The following OR4D1 variants were observed in gnomAD, a reference collection of about 807,000 sequenced individuals.
OR4D1 encodes olfactory receptor 4D1.
In OR4D1, 10 loss-of-function variants were observed where a neutral mutation model predicts 14.2. The ratio of observed to expected loss-of-function variants is 0.71; its 90% CI spans 0.44 to 1.20. The LOEUF (loss-of-function observed/expected upper bound fraction) is 1.20. Among genes scored for constraint, OR4D1 ranks in the 50% most tolerant of loss-of-function variants. OR4D1 has a pLI of 0.00. For missense variants in OR4D1, 345 were observed against 376.6 expected, an observed-to-expected ratio of 0.92 and a Z score of 0.70; for synonymous variants, 141 against 147.4, an observed-to-expected ratio of 0.96 and a Z score of 0.32.
Position 58,157,101 on chromosome 17 carries a change from G to A in OR4D1, c.*1015G>A. ...GGGGCCTGGGGACGCCGAGGCGGCC[G>A]CGGAGGAGCGCCGCGTCAAGGTCTC... On this transcript the variant is annotated 3_prime_UTR_variant, in exon 4 of 4. Coordinates refer to ENST00000268912, the MANE Select transcript of OR4D1 (RefSeq NM_001386095.1). The A allele has an allele frequency of 1.4e-6, 2 of 1,463,242 alleles. No homozygotes were observed. Among genetic ancestry groups the A allele is most frequent in the Admixed American group, 4.5e-5 (2 of 44,386 alleles). 90.6% of individuals were successfully genotyped at this position (1,463,242 alleles called of 1,614,324 possible).
chr17:58,154,838 T>C (rs1012732590), intron 3 of OR4D1, among the ~76,000 whole-genome samples: 24 of 152,228 alleles, frequency 1.6e-4, no homozygotes, highest in Non-Finnish European at 2.5e-4. Context: ...AGGCACTATG[T>C]TGGGCATAGC....
chr17:58,157,382 C>A lies in OR4D1; in HGVS notation c.*1296C>A. 1 of 1,276,340 alleles carries A rather than the reference C, an allele frequency of 7.8e-7. No homozygotes were observed. The highest frequency in any genetic ancestry group is 1.1e-6 in the Non-Finnish European group (1 of 899,702). 79.1% of individuals were successfully genotyped at this position (1,276,340 alleles called of 1,614,324 possible). Reference sequence around the variant, plus strand: ...TGCTGATAATTCGCCGCCGCCAAGACACGTGAGCCCTACCACCTGCACCCT... The same window carrying A: ...TGCTGATAATTCGCCGCCGCCAAGAAACGTGAGCCCTACCACCTGCACCCT... On this transcript the variant is annotated 3_prime_UTR_variant, in exon 4 of 4. Coordinates refer to ENST00000268912, the MANE Select transcript of OR4D1 (RefSeq NM_001386095.1).
rs1249726612 is a variant in OR4D1 at position 58,158,183 on chromosome 17, G to A, written c.*2097G>A. 6.6e-6 allele frequency: 1 copy of A among 152,250 alleles called. No individual in the cohort carries two copies. The highest frequency in any genetic ancestry group is 1.5e-5 in the Non-Finnish European group (1 of 68,188). 9.4% of individuals were successfully genotyped at this position (152,250 alleles called of 1,614,324 possible). A position where few individuals can be genotyped will look rare whatever the true frequency, so the allele number is the denominator to read the frequency against. ...TTTTCCTATATGTCACCTTCTTAAA[G>A]AGACTGTGTAAGTCCATTTGTTGTG... On this transcript the variant is annotated 3_prime_UTR_variant, in exon 4 of 4. Coordinates refer to ENST00000268912, the MANE Select transcript of OR4D1 (RefSeq NM_001386095.1).
intron 2 of OR4D1, among the ~76,000 whole-genome samples, chr17:58,151,469 G>A (rs759485998): frequency 2.6e-5 from 4 of 151,932 alleles, no homozygotes; most frequent in Non-Finnish European, 5.9e-5. Context: ...TCACGTGTCC[G>A]TGTGTTCTCA....
intron 3 of OR4D1, among the ~76,000 whole-genome samples, 169 bp downstream of exon 3, chr17:58,154,132 T>A (rs566517858): frequency 2.0e-5 from 3 of 151,648 alleles, no homozygotes; most frequent in Non-Finnish European, 4.4e-5. Flanking sequence ...AATTTTTAAA[T>A]TTTTTTTATA....
rs1967758453 is a variant in OR4D1 at position 58,155,593 on chromosome 17, C to A, written c.440C>A (p.Ala147Asp). 6.2e-7 allele frequency: 1 copy of A among 1,614,052 alleles called. No individual in the cohort carries two copies. The highest frequency in any genetic ancestry group is 8.5e-7 in the Non-Finnish European group (1 of 1,180,034). ...CAATTGTGTGTGGGCCTGGTAGTAG[C>A]CGCCTGGGTGGGGGGCTTTGTCCAC... Reference protein sequence around the residue: ...NTQLCVGLVVAAWVGGFVHSI... With the variant: ...NTQLCVGLVVDAWVGGFVHSI... Residue 147 changes from alanine to aspartate, a missense_variant, in exon 4 of 4, where the codon GCC becomes GAC. Transcript: ENST00000268912.
intron 1 of OR4D1, among the ~76,000 whole-genome samples, chr17:58,148,810 C>T (rs1425551308): frequency 6.6e-6 from 1 of 152,124 alleles, no homozygotes. Context: ...CTTCTTCCCA[C>T]ACCTAGGAGA....
Position 58,155,504 on chromosome 17 carries a change from C to T in OR4D1, c.351C>T (p.Val117=). 1 of 1,614,116 alleles carries T rather than the reference C, an allele frequency of 6.2e-7. No homozygotes were observed. Among genetic ancestry groups the T allele is most frequent in the Non-Finnish European group, 8.5e-7 (1 of 1,179,998 alleles). The change falls in exon 4 of 4, where the codon GTC becomes GTT. Residue 117 remains valine, a synonymous_variant. Coordinates refer to ENST00000268912, the MANE Select transcript of OR4D1 (RefSeq NM_001386095.1). Reference sequence around the variant, plus strand: ...GTGGGACTGTCTTTTTTCTCTCAGTCATGGCCTATGACCGCTACATAGCCA... The same window carrying T: ...GTGGGACTGTCTTTTTTCTCTCAGTTATGGCCTATGACCGCTACATAGCCA... ...LGGGTVFFLS[V]MAYDRYIAIS... is the part of the protein sequence containing the mutation.
At position 58,155,370 on chromosome 17, in the gene OR4D1, T is replaced by A. The variant is rs771302998; in HGVS notation, c.217T>A (p.Tyr73Asn). Residue 73 changes from tyrosine to asparagine, a missense_variant, in exon 4 of 4, where the codon TAT becomes AAT. Coordinates refer to ENST00000268912, the MANE Select transcript of OR4D1 (RefSeq NM_001386095.1). ...LRNLALIDLC[Y>N]STVTSPKMLV... The stretch of plus-strand genomic sequence containing the variant: ...AAATCTAGCTCTCATAGACCTCTGC[T>A]ATTCCACAGTCACCTCTCCAAAGAT... The A allele has an allele frequency of 6.2e-7, 1 of 1,614,208 alleles. No individual in the cohort carries two copies. Among genetic ancestry groups the A allele is most frequent in the Non-Finnish European group, 8.5e-7 (1 of 1,180,024 alleles).
At position 58,156,764 on chromosome 17, in the gene OR4D1, G is replaced by A. The variant is rs1967780346; in HGVS notation, c.*678G>A. On this transcript the variant is annotated 3_prime_UTR_variant, in exon 4 of 4. Transcript: ENST00000268912. ...TAGGAATGGGATTTGAAACTCAAGA[G>A]TTTCCTGCGACCACAAGAGAAAACC... 5.4e-6 allele frequency: 1 copy of A among 185,866 alleles called. No individual in the cohort carries two copies. Among genetic ancestry groups the A allele is most frequent in the Non-Finnish European group, 1.1e-5 (1 of 89,912 alleles). The allele number at this position is 185,866 out of a possible 1,614,324, so 11.5% of individuals were successfully genotyped here.
chr17:58,154,935 G>A (rs1028060331), intron 3 of OR4D1, among the ~76,000 whole-genome samples, 200 bp from the exon 4 acceptor site: 1 of 152,220 alleles, frequency 6.6e-6, no homozygotes. Flanking sequence ...GTAATATACT[G>A]TAGGGCGTGG....
rs1373516493 is a variant in OR4D1 at position 58,156,283 on chromosome 17, C to T, written c.*197C>T. ...TTTTTTTTTTTTAGATGGAGCCTTG[C>T]TCTGTCACCCAGGCTGGAGTGCAGT... On this transcript the variant is annotated 3_prime_UTR_variant, in exon 4 of 4. Transcript: ENST00000268912. 2 of 530,904 alleles carry T rather than the reference C, an allele frequency of 3.8e-6. No individual in the cohort carries two copies. The highest frequency in any genetic ancestry group is 5.0e-4 in the Middle Eastern group (1 of 2,008). 32.9% of individuals were successfully genotyped at this position (530,904 alleles called of 1,614,324 possible). A position where few individuals can be genotyped will look rare whatever the true frequency, so the allele number is the denominator to read the frequency against.
chr17:58,158,940 G>A lies in OR4D1; in HGVS notation c.*2854G>A, dbSNP rs1296070590. ...GTTTTGACTTGGTGAAAATGGAGTT[G>A]CCAAACAGCCCATTAAGCTCCCTGG... On this transcript the variant is annotated 3_prime_UTR_variant, in exon 4 of 4. Transcript: ENST00000268912. 2 of 152,224 alleles carry A rather than the reference G, an allele frequency of 1.3e-5. No homozygotes were observed. The highest frequency in any genetic ancestry group is 2.9e-5 in the Non-Finnish European group (2 of 68,032). 9.4% of individuals were successfully genotyped at this position (152,224 alleles called of 1,614,324 possible).
At position 58,157,317 on chromosome 17, in the gene OR4D1, G is replaced by C; in HGVS notation, c.*1231G>C. Reference sequence around the variant, plus strand: ...CTTCGAGACCGCCTCGGTCAAGTGGGAAAACTCCCTAAGACGGAGCGGCGT... The same window carrying C: ...CTTCGAGACCGCCTCGGTCAAGTGGCAAAACTCCCTAAGACGGAGCGGCGT... On this transcript the variant is annotated 3_prime_UTR_variant, in exon 4 of 4. Coordinates refer to ENST00000268912, the MANE Select transcript of OR4D1 (RefSeq NM_001386095.1). The C allele has an allele frequency of 1.3e-6, 2 of 1,499,522 alleles. No homozygotes were observed. The highest frequency in any genetic ancestry group is 1.8e-6 in the Non-Finnish European group (2 of 1,115,200). 92.9% of individuals were successfully genotyped at this position (1,499,522 alleles called of 1,614,324 possible).
rs1967792129 is a variant in OR4D1 at position 58,157,505 on chromosome 17, AT to A, written c.*1421del. ...GTTGCTCCAGAAACAGTACCTCTCC[AT>A]TGCAGAGGGTGCGGACTTCTCCAGC... On this transcript the variant is annotated 3_prime_UTR_variant, in exon 4 of 4. Transcript: ENST00000268912. The A allele has an allele frequency of 4.9e-6, 6 of 1,213,470 alleles. No homozygotes were observed. The highest frequency in any genetic ancestry group is 3.4e-5 in the Admixed American group (2 of 58,204). 75.2% of individuals were successfully genotyped at this position (1,213,470 alleles called of 1,614,324 possible). A position where few individuals can be genotyped will look rare whatever the true frequency, so the allele number is the denominator to read the frequency against.
Position 58,156,452 on chromosome 17 carries a change from A to C in OR4D1, c.*366A>C, listed in dbSNP as rs550496182. Reference sequence around the variant, plus strand: ...CTTAGTAGAGATGGGGTTTCACTACAATGACCAGGCTGGTCTCGAACTCCT... The same window carrying C: ...CTTAGTAGAGATGGGGTTTCACTACCATGACCAGGCTGGTCTCGAACTCCT... On this transcript the variant is annotated 3_prime_UTR_variant, in exon 4 of 4. Coordinates refer to ENST00000268912, the MANE Select transcript of OR4D1 (RefSeq NM_001386095.1). 6.2e-5 allele frequency: 12 copies of C among 193,344 alleles called. No homozygotes were observed. The South Asian group carries it at 1.1e-3, about 18-fold the overall frequency. The allele number at this position is 193,344 out of a possible 1,614,324, so 12.0% of individuals were successfully genotyped here.
Position 58,156,200 on chromosome 17 carries a change from T to C in OR4D1, c.*114T>C, listed in dbSNP as rs1430423231. On this transcript the variant is annotated 3_prime_UTR_variant, in exon 4 of 4. Coordinates refer to ENST00000268912, the MANE Select transcript of OR4D1 (RefSeq NM_001386095.1). The stretch of plus-strand genomic sequence containing the variant: ...ACAAATCAGATTACACTTATATTTC[T>C]TGAGGACCTAGTGCTGTGTCAAGTA... 1.4e-6 allele frequency: 1 copy of C among 738,250 alleles called. No homozygotes were observed. 45.7% of individuals were successfully genotyped at this position (738,250 alleles called of 1,614,324 possible).
rs1241945575 is a variant in OR4D1, at chr17:58,155,456, C to T, written c.303C>T (p.Ile101=). 2 of 1,614,042 alleles carry T rather than the reference C, an allele frequency of 1.2e-6. No individual in the cohort carries two copies. The highest frequency in any genetic ancestry group is 1.7e-6 in the Non-Finnish European group (2 of 1,180,010). ...CCTACCAGGGCTGCATGGCCCAGAT[C>T]TTCTTCTTCCACCTTTTGGGAGGTG... ...TISYQGCMAQ[I]FFFHLLGGGT... The change falls in exon 4 of 4, where the codon ATC becomes ATT. Residue 101 remains isoleucine (I), a synonymous_variant. Coordinates refer to ENST00000268912, the MANE Select transcript of OR4D1 (RefSeq NM_001386095.1).
At position 58,155,946 on chromosome 17, in the gene OR4D1, TTCC is replaced by T. The variant is rs1170886313; in HGVS notation, c.796_798del (p.Leu266del). ...TATCTATACCTGGCCCTTCACCCCA[TTCC>T]TCATGGACAAGGCTGTGTCCATCAG... On this transcript the variant is annotated inframe_deletion, in exon 4 of 4. Transcript: ENST00000268912. The T allele has an allele frequency of 6.2e-7, 1 of 1,613,940 alleles. No homozygotes were observed.
Sources: gnomAD v4.1 joint callset for allele counts (sites outside exome capture counted in the v4.1 genomes callset) on GRCh38, gnomAD v4.1.1 for gene constraint, MANE v1.5 for transcripts, NCBI Gene and HGNC (gene_info 2026-07-23, HGNC 2026-07-21) for gene names.